The following CHRNA5 variants were observed in gnomAD, a reference collection of about 807,000 sequenced individuals.
The protein encoded by CHRNA5 is cholinergic receptor nicotinic alpha 5 subunit, also known as neuronal acetylcholine receptor subunit alpha-5.
In CHRNA5, 28 loss-of-function variants were observed where a neutral mutation model predicts 41.2. The observed-to-expected ratio is 0.68, with a 90% CI of 0.50 to 0.93. The LOEUF is 0.93. Ranked by LOEUF, CHRNA5 falls within the 40% of genes least tolerant of loss-of-function variation. CHRNA5 has a pLI of 0.00. For synonymous variants in CHRNA5, 188 were observed against 205.8 expected, an observed-to-expected ratio of 0.91 and a Z score of 0.74; for missense variants, 481 against 581.9, an observed-to-expected ratio of 0.83 and a Z score of 1.78.
At chr15:78,583,773 A>G (rs1018412452) in intron 2 of CHRNA5, among the ~76,000 whole-genome samples, 1 of 151,954 alleles carries the variant, frequency 6.6e-6, no homozygotes, top group Non-Finnish European at 1.5e-5. Context: ...TTGTGGTTTG[A>G]GGTGTTAATT....
chr15:78,583,973 G>A (rs1289642794), intron 2 of CHRNA5, among the ~76,000 whole-genome samples: 2 of 152,154 alleles, frequency 1.3e-5, no homozygotes, highest in African/African-American at 2.4e-5. Context: ...TTAGTGGGAA[G>A]AGCAGGAACC....
At chr15:78,566,607 T>G (rs1410896362) in intron 1 of CHRNA5, among the ~76,000 whole-genome samples, 1 of 152,234 alleles carries the variant, frequency 6.6e-6, no homozygotes, top group Non-Finnish European at 1.5e-5. Context: ...TTAAGCAAGA[T>G]ATGATTACAG....
intron 2 of CHRNA5, among the ~76,000 whole-genome samples, chr15:78,585,758 A>AT (rs5813927): frequency 0.64 from 93,085 of 145,934 alleles, 30,278 homozygotes; most frequent in East Asian, 0.82. Context: ...GGCTGCCAAT[A>AT]TTTTTTCTTT....
Position 78,577,412 on chromosome 15 carries a change from C to T in CHRNA5, c.107-3399C>T, listed in dbSNP as rs150499654. Reference sequence around the variant, plus strand: ...AGGTTTTATGCTAAGATACCTTTGACATTTGCACTGGACACTGCTGTAAAG... The same window carrying T: ...AGGTTTTATGCTAAGATACCTTTGATATTTGCACTGGACACTGCTGTAAAG... On this transcript the variant is annotated intron_variant, in intron 1 of 5. Transcript: ENST00000299565. Among the ~76,000 whole-genome samples, 527 of 152,308 alleles carry T rather than the reference C, an allele frequency of 3.5e-3. 3 individuals carry two copies. The highest frequency in any genetic ancestry group is 0.012 in the African/African-American group (510 of 41,568).
chr15:78,574,522 C>T (rs905371722), intron 1 of CHRNA5, among the ~76,000 whole-genome samples: 6 of 151,864 alleles, frequency 4.0e-5, no homozygotes, highest in South Asian at 4.2e-4. Context: ...TTGATTCAGA[C>T]GAGAGTGAAG....
chr15:78,569,859 C>T (rs539840884), intron 1 of CHRNA5, among the ~76,000 whole-genome samples: 26 of 151,090 alleles, frequency 1.7e-4, no homozygotes, highest in African/African-American at 4.9e-4. Flanking sequence ...CTCACTCTGT[C>T]GCCCAGGCTG....
At chr15:78,578,819 C>T (rs1311005449) in intron 1 of CHRNA5, among the ~76,000 whole-genome samples, 3 of 152,138 alleles carry the variant, frequency 2.0e-5, no homozygotes, top group African/African-American at 7.2e-5. Context: ...ATTTTTGTTT[C>T]AAGTAAAAGT....
In CHRNA5 at chr15:78,565,765, T is replaced by C. The variant is rs1015628724; in HGVS notation, c.46T>C (p.Leu16=). 4.9e-6 allele frequency: 6 copies of C among 1,214,896 alleles called. No individual in the cohort carries two copies. The African/African-American group carries it at 7.9e-5, about 16-fold the overall frequency. 75.3% of individuals were successfully genotyped at this position (1,214,896 alleles called of 1,614,324 possible). ...GCCCCGCGCGCTCCGCCTGCTGCTC[T>C]TGGTCCAGCTGGTCGCGGGGCGCTG... Residue 16 remains leucine (L), a synonymous_variant, in exon 1 of 6, where the codon TTG becomes CTG. Transcript: ENST00000299565.
chr15:78,587,775 C>A (rs917930235), intron 3 of CHRNA5, among the ~76,000 whole-genome samples: 6 of 152,042 alleles, frequency 3.9e-5, no homozygotes, highest in African/African-American at 9.7e-5. Flanking sequence ...TTTATCATCC[C>A]TAATTTTTAT....
chr15:78,583,944 C>A (rs139622918), intron 2 of CHRNA5, among the ~76,000 whole-genome samples: 1 of 152,058 alleles, frequency 6.6e-6, no homozygotes, highest in Admixed American at 6.6e-5. Flanking sequence ...TCACCTCCCA[C>A]TTTGATGAGT....
intron 1 of CHRNA5, among the ~76,000 whole-genome samples, chr15:78,569,279 T>C (rs1027941084): frequency 3.9e-5 from 6 of 152,146 alleles, no homozygotes; most frequent in Non-Finnish European, 7.3e-5. Flanking sequence ...TTTTTATAAT[T>C]AGGATATGAA....
rs1190002294 is a variant in CHRNA5 at position 78,588,187 on chromosome 15, A to C, written c.304-127A>C. ...GGTGCCCATAATAAGAAAGACAGGG[A>C]GGTGTTCTCTATTGGGGGTAGAGAT... is the stretch of plus-strand genomic sequence containing the variant. On this transcript the variant is annotated intron_variant, in intron 3 of 5. Transcript: ENST00000299565. This position sits in a 1 kb window ranked among gnomAD's most constrained non-coding sequence, Gnocchi z 4.1. 2.0e-6 allele frequency: 1 copy of C among 494,186 alleles called. No individual in the cohort carries two copies. The highest frequency in any genetic ancestry group is 2.0e-5 in the African/African-American group (1 of 50,654). 30.6% of individuals were successfully genotyped at this position (494,186 alleles called of 1,614,324 possible).
intron 3 of CHRNA5, among the ~76,000 whole-genome samples, chr15:78,587,518 G>A (rs1215634170): frequency 6.6e-6 from 1 of 152,084 alleles, no homozygotes. Context: ...GGAGGCCAGT[G>A]TGGCTAGCAG....
chr15:78,581,134 CTG>C (rs1320279930), intron 2 of CHRNA5, among the ~76,000 whole-genome samples, 172 bp downstream of exon 2: 2 of 152,352 alleles, frequency 1.3e-5, no homozygotes, highest in East Asian at 3.9e-4. Flanking sequence ...TGATAACACA[CTG>C]TGTTTATATA....
At chr15:78,595,218 TATACTACCA>T in exon 6 of CHRNA5, 11 of 896,002 alleles carry the variant, frequency 1.2e-5, no homozygotes, top group Non-Finnish European at 1.5e-5. Flanking sequence ...TGATCCCTCT[TATACTACCA>T]TTACTGTTAC....
intron 5 of CHRNA5, among the ~76,000 whole-genome samples, chr15:78,592,762 CAAGAATAAGTATATATAGT>C (rs1253071980): frequency 1.3e-5 from 2 of 152,018 alleles, no homozygotes; most frequent in East Asian, 3.9e-4. Context: ...CACTACTGGG[CAAGAATAAGTATATATAGT>C]AAGAATAATT....
chr15:78,578,466 C>G (rs1235002659), intron 1 of CHRNA5, among the ~76,000 whole-genome samples: 2 of 152,204 alleles, frequency 1.3e-5, no homozygotes, highest in East Asian at 3.8e-4. Context: ...GAGATCACAC[C>G]ACTGCACTCC....
chr15:78,590,433 A>G, exon 5 of CHRNA5: 4 of 1,614,202 alleles, frequency 2.5e-6, no homozygotes, highest in Non-Finnish European at 1.7e-6. Context: ...ACATAATGCC[A>G]TGGCGCCTTT....
intron 1 of CHRNA5, among the ~76,000 whole-genome samples, chr15:78,574,283 G>A (rs1390842880): frequency 2.0e-5 from 3 of 151,326 alleles, no homozygotes; most frequent in African/African-American, 7.3e-5. Context: ...AGGAGGCTGA[G>A]GCAGGAGAAT....
Sources: gnomAD v4.1 joint callset for allele counts (sites outside exome capture counted in the v4.1 genomes callset) on GRCh38, gnomAD v4.1.1 for gene constraint, Gnocchi (gnomAD v3.1) non-coding constraint, MANE v1.5 for transcripts, NCBI Gene and HGNC (gene_info 2026-07-23, HGNC 2026-07-21) for gene names.